JPH3: variants seen among roughly 807,000 people sequenced by gnomAD.
The protein encoded by JPH3 is junctophilin 3.
Under a neutral mutation model 59.6 loss-of-function variants are expected in JPH3, and 11 were observed. The ratio of observed to expected loss-of-function variants is 0.18; its 90% CI spans 0.12 to 0.31. JPH3 has a LOEUF of 0.31. JPH3 is among the 10% of genes least tolerant of loss of function. The probability of loss-of-function intolerance (pLI) is 1.00; values close to 1 mark genes in which losing one functional copy is unlikely to be tolerated. For missense variants in JPH3, 1,202 were observed against 1,105.7 expected (o/e 1.09, Z -1.24); for synonymous variants, 673 against 483.6 (o/e 1.39, Z -5.14).
intron 2 of JPH3, among the ~76,000 whole-genome samples, chr16:87,669,037 G>C (rs957830427): frequency 2.6e-5 from 4 of 152,200 alleles, no homozygotes; most frequent in Admixed American, 1.3e-4. Flanking sequence ...TTGGAGCACT[G>C]AGAATTAGTA....
At chr16:87,682,253 C>T (rs2033314473) in intron 2 of JPH3, among the ~76,000 whole-genome samples, 1 of 152,114 alleles carries the variant, frequency 6.6e-6, no homozygotes, top group Non-Finnish European at 1.5e-5. Context: ...TCCTAGTTAG[C>T]ACAGTGGAAT....
At chr16:87,655,682 C>T (rs2032475973) in intron 2 of JPH3, among the ~76,000 whole-genome samples, 1 of 152,194 alleles carries the variant, frequency 6.6e-6, no homozygotes, top group Non-Finnish European at 1.5e-5. Context: ...TTCCTGTATT[C>T]CCTAAATAGT....
intron 2 of JPH3, among the ~76,000 whole-genome samples, chr16:87,683,639 C>T (rs2033348160): frequency 6.6e-6 from 1 of 150,914 alleles, no homozygotes; most frequent in African/African-American, 2.4e-5. Context: ...CAGAGTCTTG[C>T]TCTATTACCC....
intron 2 of JPH3, among the ~76,000 whole-genome samples, chr16:87,670,437 T>C (rs2032985434): frequency 6.6e-6 from 1 of 152,174 alleles, no homozygotes; most frequent in African/African-American, 2.4e-5. Context: ...CCGATTATTC[T>C]ATCAATGGCA....
chr16:87,695,225 G>A (rs899706065), intron 4 of JPH3: 1 of 436,598 alleles, frequency 2.3e-6, no homozygotes, highest in Non-Finnish European at 4.6e-6. Context: ...CCCTCACCTG[G>A]TGCCACATGA....
chr16:87,639,971 G>C (rs2031890061), intron 1 of JPH3, among the ~76,000 whole-genome samples: 1 of 152,222 alleles, frequency 6.6e-6, no homozygotes, highest in Non-Finnish European at 1.5e-5. Flanking sequence ...TGATGGAGGA[G>C]GGATCTCAGG....
chr16:87,612,790 C>A (rs950858392), intron 1 of JPH3, among the ~76,000 whole-genome samples: 2 of 151,936 alleles, frequency 1.3e-5, no homozygotes, highest in Middle Eastern at 3.2e-3. Context: ...CCGAGGCGGG[C>A]GGAGGCCGAG....
chr16:87,661,224 G>A (rs2032692130), intron 2 of JPH3, among the ~76,000 whole-genome samples: 1 of 152,144 alleles, frequency 6.6e-6, no homozygotes, highest in African/African-American at 2.4e-5. Flanking sequence ...CCTCTTACAA[G>A]GACCCTTGTG....
chr16:87,603,672 C>G (rs1182463273), intron 1 of JPH3, 144 bp downstream of exon 1: 1 of 1,076,154 alleles, frequency 9.3e-7, no homozygotes, highest in Non-Finnish European at 1.3e-6. Context: ...CCCTGGAAGC[C>G]ACGGCGGCTC....
chr16:87,691,808 C>A (rs909210899), intron 4 of JPH3, among the ~76,000 whole-genome samples: 5 of 152,096 alleles, frequency 3.3e-5, no homozygotes, highest in South Asian at 2.1e-4. Flanking sequence ...CTCACACTTA[C>A]AACTTGATTT....
chr16:87,640,243 C>A (rs1055226395), intron 1 of JPH3, among the ~76,000 whole-genome samples: 2 of 151,360 alleles, frequency 1.3e-5, no homozygotes, highest in Admixed American at 1.3e-4. Context: ...GCAGGAGAAT[C>A]GATTGAACCT....
chr16:87,639,878 TG>T (rs763895202), intron 1 of JPH3, among the ~76,000 whole-genome samples: 1 of 152,214 alleles, frequency 6.6e-6, no homozygotes, highest in Non-Finnish European at 1.5e-5. Context: ...TTCCACTGCA[TG>T]GGGGGACCAC....
intron 1 of JPH3, among the ~76,000 whole-genome samples, chr16:87,637,803 C>T (rs1659959665): frequency 6.6e-6 from 1 of 152,202 alleles, no homozygotes. Context: ...AGATGCTGGC[C>T]TCCTGGGTGG....
intron 2 of JPH3, among the ~76,000 whole-genome samples, chr16:87,668,517 C>T (rs1170209743): frequency 2.8e-4 from 43 of 152,140 alleles, no homozygotes; most frequent in Admixed American, 2.8e-3. Context: ...TCACACTCAT[C>T]CTGCATCTGT....
intron 1 of JPH3, among the ~76,000 whole-genome samples, chr16:87,623,867 C>T (rs913341966): frequency 5.3e-5 from 8 of 152,236 alleles, no homozygotes; most frequent in African/African-American, 1.7e-4. Flanking sequence ...CCCCCGAGGC[C>T]GCAGAGCAAG....
chr16:87,650,485 C>G (rs555890107), intron 2 of JPH3, among the ~76,000 whole-genome samples: 2 of 152,174 alleles, frequency 1.3e-5, no homozygotes, highest in Non-Finnish European at 2.9e-5. Context: ...AAGAGTCTCA[C>G]ATCTCTCACT....
Position 87,603,425 on chromosome 16 carries a change from G to A in JPH3, c.279G>A (p.Gly93=). 6.3e-7 allele frequency: 1 copy of A among 1,579,786 alleles called. No homozygotes were observed. The highest frequency in any genetic ancestry group is 8.6e-7 in the Non-Finnish European group (1 of 1,163,512). ...YKGEWTHGFK[G]RYGVRECAGN... ...GCGAGTGGACGCACGGATTCAAGGGGCGCTACGGGGTGCGGGAGTGCGCGG... is the reference window on the plus strand; with the variant it reads ...GCGAGTGGACGCACGGATTCAAGGGACGCTACGGGGTGCGGGAGTGCGCGG... The change falls in exon 1 of 5, where the codon GGG becomes GGA. Residue 93 remains glycine, a synonymous_variant. Coordinates refer to ENST00000284262, the MANE Select transcript of JPH3 (RefSeq NM_020655.4).
At chr16:87,682,802 T>A (rs28524800) in intron 2 of JPH3, among the ~76,000 whole-genome samples, 83,451 of 152,074 alleles carry the variant, frequency 0.55, 22,925 homozygotes, top group Middle Eastern at 0.64. Flanking sequence ...AGTTTCCCCA[T>A]TGTTGGGGAA....
At chr16:87,669,859 C>T (rs1263728498) in intron 2 of JPH3, among the ~76,000 whole-genome samples, 1 of 151,894 alleles carries the variant, frequency 6.6e-6, no homozygotes, top group South Asian at 2.1e-4. Context: ...TGTTAGGGGA[C>T]CGGAGGAGCA....
Sources: gnomAD v4.1 joint callset for allele counts (sites outside exome capture counted in the v4.1 genomes callset) on GRCh38, gnomAD v4.1.1 for gene constraint, MANE v1.5 for transcripts, NCBI Gene and HGNC (gene_info 2026-07-23, HGNC 2026-07-21) for gene names.